Variants in RTTN observed in about 807,000 individuals in gnomAD.
The protein encoded by RTTN is rotatin.
A neutral mutation model predicts 269.2 loss-of-function variants in RTTN; 182 were observed. The ratio of observed to expected loss-of-function variants is 0.68; its 90% CI spans 0.60 to 0.76. RTTN has a LOEUF of 0.76. Among genes scored for constraint, RTTN ranks in the 30% least tolerant of loss-of-function variants. The probability of loss-of-function intolerance (pLI) is 0.00; values close to 1 mark genes in which losing one functional copy is unlikely to be tolerated. For synonymous variants in RTTN, 1,006 were observed against 963.5 expected (o/e 1.04, Z -0.82); for missense variants, 2,545 against 2,608.6 (o/e 0.98, Z 0.53).
At chr18:70,015,212 G>A (rs1179417722) in intron 46 of RTTN, among the ~76,000 whole-genome samples, 1 of 151,918 alleles carries the variant, frequency 6.6e-6, no homozygotes, top group African/African-American at 2.4e-5. Context: ...CAAGGTGCCC[G>A]CCACCATGCC....
In RTTN at chr18:70,086,615, G is replaced by T. The variant is rs2058704506; in HGVS notation, c.4372C>A (p.Gln1458Lys). Reference protein sequence around the residue: ...PTEIIKDYTWQGPCVHDEDSG... With the variant: ...PTEIIKDYTWKGPCVHDEDSG... ...GATAATTGTTTAAAATCACCCACCT[G>T]CCAAGTATAATCCTTTATAATTTCT... Residue 1458 changes from glutamine to lysine, a missense_variant and splice_region_variant, in exon 32 of 49, where the codon CAG (glutamine) becomes AAG (lysine). By Grantham distance (53) the Gln-to-Lys change is moderately conservative. Transcript: ENST00000640769. 6.5e-7 allele frequency: 1 copy of T among 1,547,042 alleles called. No homozygotes were observed. The highest frequency in any genetic ancestry group is 8.7e-7 in the Non-Finnish European group (1 of 1,145,752).
At chr18:70,104,383 AT>A (rs1170156255) in intron 28 of RTTN, among the ~76,000 whole-genome samples, 2 of 152,124 alleles carry the variant, frequency 1.3e-5, no homozygotes, top group East Asian at 3.9e-4. Flanking sequence ...CTAGTTAGCC[AT>A]TCGTCTAATC....
At chr18:70,162,886 GAAA>G (rs5825997) in intron 14 of RTTN, among the ~76,000 whole-genome samples, 1 of 50,196 alleles carries the variant, frequency 2.0e-5, no homozygotes, top group African/African-American at 7.7e-5. Context: ...AATAAAAGTT[GAAA>G]AAAAAAAAAA....
At chr18:70,068,317 G>A (rs1344956899) in intron 34 of RTTN, among the ~76,000 whole-genome samples, 1 of 152,120 alleles carries the variant, frequency 6.6e-6, no homozygotes, top group Non-Finnish European at 1.5e-5. Flanking sequence ...CGAAGCTATA[G>A]GTACAAAAAG....
chr18:70,121,522 A>C (rs1015932722), intron 26 of RTTN, 34 bp downstream of exon 26: 7 of 1,498,242 alleles, frequency 4.7e-6, no homozygotes, highest in Non-Finnish European at 6.2e-6. Context: ...GTTATTTCCC[A>C]AACTTAAAAT....
At chr18:70,096,066 C>A (rs977407209) in intron 28 of RTTN, among the ~76,000 whole-genome samples, 1 of 150,912 alleles carries the variant, frequency 6.6e-6, no homozygotes, top group Non-Finnish European at 1.5e-5. Context: ...TCTCTGATAT[C>A]CTTTCTTCTG....
In RTTN at chr18:70,149,972, T is replaced by C; in HGVS notation, c.2171A>G (p.Gln724Arg). Reference sequence around the variant, plus strand: ...TAAAAAGTGAATTTCACAGAATACCTGTAGTATTGGGATGACAGGACAGAG... The same window carrying C: ...TAAAAAGTGAATTTCACAGAATACCCGTAGTATTGGGATGACAGGACAGAG... ...ESLCPVIPIL[Q>R]GYADTEDPLG... Residue 724 changes from glutamine to arginine, a missense_variant and splice_region_variant, in exon 16 of 49, where the codon CAG becomes CGG. Coordinates refer to ENST00000640769, the MANE Select transcript of RTTN (RefSeq NM_173630.4). 6.3e-7 allele frequency: 1 copy of C among 1,582,732 alleles called. No homozygotes were observed. Among genetic ancestry groups the C allele is most frequent in the South Asian group, 1.1e-5 (1 of 90,424 alleles).
chr18:70,007,669 A>C (rs1175190870), intron 46 of RTTN: 1 of 152,284 alleles, frequency 6.6e-6, no homozygotes, highest in African/African-American at 2.4e-5. Context: ...AGCCCACCAC[A>C]GCTCAGCAAA....
At chr18:70,164,978 A>C (rs1242854488) in intron 14 of RTTN, among the ~76,000 whole-genome samples, 1 of 152,216 alleles carries the variant, frequency 6.6e-6, no homozygotes, top group Non-Finnish European at 1.5e-5. Context: ...CAATGATAGA[A>C]GCCGAATAAG....
At chr18:70,134,352 T>TGAAA in intron 23 of RTTN, 121 bp downstream of exon 23, 1 of 754,306 alleles carries the variant, frequency 1.3e-6, no homozygotes, top group South Asian at 1.6e-5. Flanking sequence ...GAAGGAACCA[T>TGAAA]GAAAGCCCAA....
At chr18:70,176,253 A>G (rs1023013077) in intron 11 of RTTN, among the ~76,000 whole-genome samples, 13 of 145,232 alleles carry the variant, frequency 9.0e-5, no homozygotes, top group African/African-American at 3.6e-4. Context: ...ATGTATATGT[A>G]TATGTATAGA....
chr18:70,095,185 T>C (rs2058968609), intron 28 of RTTN, among the ~76,000 whole-genome samples: 1 of 152,102 alleles, frequency 6.6e-6, no homozygotes, highest in African/African-American at 2.4e-5. Context: ...ATTTCAAACT[T>C]ATGTGTGTCT....
chr18:70,026,274 T>C (rs903375280), intron 43 of RTTN, among the ~76,000 whole-genome samples: 2 of 152,148 alleles, frequency 1.3e-5, no homozygotes, highest in African/African-American at 4.8e-5. Context: ...GTCTGGATAT[T>C]TGTCCCTGCC....
chr18:70,111,815 T>C (rs1380572443), intron 27 of RTTN, among the ~76,000 whole-genome samples: 1 of 152,096 alleles, frequency 6.6e-6, no homozygotes. Context: ...ACCACAAAGA[T>C]ACTCCTCAAG....
At chr18:70,021,064 A>C (rs1215916138) in intron 44 of RTTN, 1 of 375,194 alleles carries the variant, frequency 2.7e-6, no homozygotes, top group African/African-American at 2.0e-5. Flanking sequence ...AAAGAATAAA[A>C]TAAACATACT....
At chr18:70,112,739 C>G (rs2059505019) in intron 27 of RTTN, among the ~76,000 whole-genome samples, 1 of 151,996 alleles carries the variant, frequency 6.6e-6, no homozygotes. Flanking sequence ...CACCCCACTA[C>G]CAATATTAGA....
intron 32 of RTTN, among the ~76,000 whole-genome samples, chr18:70,080,746 T>C (rs2058542600): frequency 6.6e-6 from 1 of 151,992 alleles, no homozygotes; most frequent in Non-Finnish European, 1.5e-5. Context: ...GAACTAAAAG[T>C]AGAACTACCA....
intron 40 of RTTN, among the ~76,000 whole-genome samples, chr18:70,042,816 A>T (rs1361869820): frequency 6.6e-6 from 1 of 152,262 alleles, no homozygotes; most frequent in Non-Finnish European, 1.5e-5. Context: ...AAAGACTTTC[A>T]GTCATTTAGA....
intron 28 of RTTN, among the ~76,000 whole-genome samples, chr18:70,096,734 C>A (rs149498905): frequency 6.6e-6 from 1 of 152,242 alleles, no homozygotes; most frequent in South Asian, 2.1e-4. Flanking sequence ...GTCTGTCAAC[C>A]CCTGCTGGGA....
Sources: allele counts gnomAD v4.1 joint callset (sites outside exome capture counted in the v4.1 genomes callset), GRCh38; gene constraint gnomAD v4.1.1; transcripts MANE v1.5; gene names NCBI Gene and HGNC (gene_info 2026-07-23, HGNC 2026-07-21).